ADCY2: variants seen among roughly 807,000 people sequenced by gnomAD.
ADCY2 encodes adenylate cyclase type 2.
Under a neutral mutation model 125.2 loss-of-function variants are expected in ADCY2, and 31 were observed. That is an observed-to-expected ratio of 0.25 (90% CI 0.19 to 0.33). The LOEUF is 0.33. Among genes scored for constraint, ADCY2 ranks in the 10% least tolerant of loss-of-function variants. ADCY2 has a pLI of 1.00. For missense variants in ADCY2, 904 were observed against 1,418.2 expected, an observed-to-expected ratio of 0.64 and a Z score of 5.82; for synonymous variants, 512 against 548.4, an observed-to-expected ratio of 0.93 and a Z score of 0.93.
At chr5:7,458,408 T>C (rs1336295245) in intron 2 of ADCY2, among the ~76,000 whole-genome samples, 2 of 152,212 alleles carry the variant, frequency 1.3e-5, no homozygotes, top group Non-Finnish European at 2.9e-5. Flanking sequence ...GTTATTTATA[T>C]AAAGCAGTTA....
At chr5:7,467,078 G>T (rs1439649726) in intron 2 of ADCY2, among the ~76,000 whole-genome samples, 1 of 152,132 alleles carries the variant, frequency 6.6e-6, no homozygotes, top group East Asian at 1.9e-4. Context: ...ATTGTAAGTG[G>T]ACAAGCACCT....
chr5:7,714,518 C>T (rs1741538089), intron 11 of ADCY2, among the ~76,000 whole-genome samples: 1 of 152,186 alleles, frequency 6.6e-6, no homozygotes, highest in Non-Finnish European at 1.5e-5. Context: ...AATCTGTTGC[C>T]ATTATCATTT....
rs539110618 is a variant in ADCY2, at chr5:7,451,769, A to T, written c.408+36999A>T. On this transcript the variant is annotated intron_variant, in intron 2 of 24. Coordinates refer to ENST00000338316, the MANE Select transcript of ADCY2 (RefSeq NM_020546.3). Reference sequence around the variant, plus strand: ...TTTTATTATGTCTTTATCCTTTTAAATTTTTTTTTATTTCAATAGCTTTAG... The same window carrying T: ...TTTTATTATGTCTTTATCCTTTTAATTTTTTTTTTATTTCAATAGCTTTAG... Among the ~76,000 whole-genome samples the T allele has an allele frequency of 5.5e-4, 83 of 151,778 alleles. 2 individuals are homozygous for T. The highest frequency in any genetic ancestry group is 1.9e-3 in the African/African-American group (80 of 41,420).
At chr5:7,510,187 G>T (rs1424829451) in intron 2 of ADCY2, among the ~76,000 whole-genome samples, 1 of 152,176 alleles carries the variant, frequency 6.6e-6, no homozygotes, top group African/African-American at 2.4e-5. Flanking sequence ...AAATCAACTT[G>T]GTTTGGAGGT....
Position 7,396,673 on chromosome 5 carries a change from C to T in ADCY2, c.210+167C>T, listed in dbSNP as rs1739058276. Among the ~76,000 whole-genome samples, 1 of 148,736 alleles carries T rather than the reference C, an allele frequency of 6.7e-6. No homozygotes were observed. Among genetic ancestry groups the T allele is most frequent in the African/African-American group, 2.5e-5 (1 of 39,358 alleles). ...CCCTGCTTCTCCTGCTGGCCCGCGG[C>T]CCGGTGGACTCTGGCAAGGGCTGCG... On this transcript the variant is annotated intron_variant, in intron 1 of 24. Coordinates refer to ENST00000338316, the MANE Select transcript of ADCY2 (RefSeq NM_020546.3). The surrounding 1 kb of genome is among the most constrained non-coding windows in gnomAD (Gnocchi z 5.7).
chr5:7,526,758 T>G (rs960735951), intron 3 of ADCY2, among the ~76,000 whole-genome samples: 3 of 152,246 alleles, frequency 2.0e-5, no homozygotes, highest in Non-Finnish European at 4.4e-5. Context: ...AATAATTGTT[T>G]TTTCTTTGTT....
chr5:7,810,653 T>C (rs1744911184), intron 22 of ADCY2, among the ~76,000 whole-genome samples: 1 of 152,080 alleles, frequency 6.6e-6, no homozygotes, highest in South Asian at 2.1e-4. Flanking sequence ...ACCTGAGTTA[T>C]CTACCTGGTA....
chr5:7,704,856 T>G (rs191729770), intron 7 of ADCY2, among the ~76,000 whole-genome samples: 1 of 148,374 alleles, frequency 6.7e-6, no homozygotes. Context: ...CCAACCTGGG[T>G]GACAGAGTGA....
chr5:7,754,733 A>AC (rs1364663415), intron 15 of ADCY2, among the ~76,000 whole-genome samples: 10 of 150,892 alleles, frequency 6.6e-5, no homozygotes, highest in South Asian at 2.1e-4. Flanking sequence ...AAACAAACAA[A>AC]AAAAACTCAG....
chr5:7,698,370 A>G lies in ADCY2; in HGVS notation c.1105A>G (p.Ile369Val), dbSNP rs1249698913. Residue 369 changes from isoleucine to valine, a missense_variant, in exon 7 of 25, where the codon ATA becomes GTA. Physicochemically the swap from Ile to Val is conservative, Grantham distance 29 (BLOSUM62 3). Around this residue, in one of 7 missense-constraint regions of ADCY2, gnomAD observed 117 missense variants for 248.0 expected, o/e 0.47. Coordinates refer to ENST00000338316, the MANE Select transcript of ADCY2 (RefSeq NM_020546.3). ...AATGGGGCTGGACATGTGTGAAGCC[A>G]TAAAGTAAGTGGACTGCTTAGTAAG... ...VKMGLDMCEAIKKVRDATGVD... is the reference protein window; with the variant it reads ...VKMGLDMCEAVKKVRDATGVD... 2 of 1,614,166 alleles carry G rather than the reference A, an allele frequency of 1.2e-6. No individual in the cohort carries two copies. Among genetic ancestry groups the G allele is most frequent in the Non-Finnish European group, 1.7e-6 (2 of 1,180,002 alleles).
At chr5:7,685,656 C>T (rs1179675639) in intron 4 of ADCY2, among the ~76,000 whole-genome samples, 3 of 152,158 alleles carry the variant, frequency 2.0e-5, no homozygotes, top group Non-Finnish European at 4.4e-5. Context: ...GAAACAGCAA[C>T]AGTAGCAGTT....
At chr5:7,486,697 A>G (rs1463475592) in intron 2 of ADCY2, among the ~76,000 whole-genome samples, 1 of 151,890 alleles carries the variant, frequency 6.6e-6, no homozygotes, top group Non-Finnish European at 1.5e-5. Flanking sequence ...AAATTCTGAC[A>G]TTTTACAAAG....
chr5:7,504,720 G>T (rs563797487), intron 2 of ADCY2, among the ~76,000 whole-genome samples: 2 of 151,002 alleles, frequency 1.3e-5, no homozygotes, highest in African/African-American at 4.9e-5. Flanking sequence ...TGTTTCCTAG[G>T]CTGGGCTTGA....
rs1241550646 is a variant in ADCY2 at position 7,589,512 on chromosome 5, AAAGAAAAGAAAG to A, written c.571-36653_571-36642del. Among the ~76,000 whole-genome samples the A allele has an allele frequency of 9.7e-4, 69 of 71,124 alleles. 1 individual carries two copies. Among genetic ancestry groups the A allele is most frequent in the South Asian group, 1.9e-3 (4 of 2,080 alleles). 46.7% of individuals were successfully genotyped at this position (71,124 alleles called of 152,430 possible). A position where few individuals can be genotyped will look rare whatever the true frequency, so the allele number is the denominator to read the frequency against. ...AAAGAAAGAAAGAAAGAAAGAAAGA[AAAGAAAAGAAAG>A]AGAAAGAAAGAAAGGAGGGAGGGAA... is the stretch of plus-strand genomic sequence containing the variant. On this transcript the variant is annotated intron_variant, in intron 3 of 24. Transcript: ENST00000338316.
chr5:7,602,790 C>T (rs940578211), intron 3 of ADCY2, among the ~76,000 whole-genome samples: 13 of 152,172 alleles, frequency 8.5e-5, no homozygotes, highest in African/African-American at 3.1e-4. Context: ...GCGTATCCTA[C>T]AGCATAGGCA....
chr5:7,412,111 G>A (rs1276042072), intron 1 of ADCY2, among the ~76,000 whole-genome samples: 1 of 152,072 alleles, frequency 6.6e-6, no homozygotes, highest in East Asian at 1.9e-4. Context: ...AGCTCTTACA[G>A]GTCATTCCGT....
intron 4 of ADCY2, among the ~76,000 whole-genome samples, chr5:7,660,249 AAGGAAG>A (rs1739478395): frequency 2.3e-5 from 2 of 87,944 alleles, no homozygotes; most frequent in African/African-American, 6.2e-5. Flanking sequence ...AGAAGGAAGG[AAGGAAG>A]GAAGGAAGGA....
intron 4 of ADCY2, among the ~76,000 whole-genome samples, chr5:7,663,978 G>A (rs975950300): frequency 2.0e-5 from 3 of 152,332 alleles, no homozygotes; most frequent in Non-Finnish European, 4.4e-5. Context: ...GTGACTCTTT[G>A]GAGAGGCCAT....
chr5:7,396,259 G>T lies in ADCY2; in HGVS notation c.-38G>T. 2 of 1,045,682 alleles carry T rather than the reference G, an allele frequency of 1.9e-6. No individual in the cohort carries two copies. The highest frequency in any genetic ancestry group is 8.3e-5 in the South Asian group (2 of 24,156). The allele number at this position is 1,045,682 out of a possible 1,614,324, so 64.8% of individuals were successfully genotyped here. On this transcript the variant is annotated 5_prime_UTR_variant, in exon 1 of 25. Transcript: ENST00000338316. This position sits in a 1 kb window ranked among gnomAD's most constrained non-coding sequence, Gnocchi z 5.7. ...GGCCGCGGCGAGCGGCGCTGCCCGG[G>T]CCGGGCGCGCACGGCGGGCGCCCTG... is the stretch of plus-strand genomic sequence containing the variant.
Sources: gnomAD v4.1 joint callset for allele counts (sites outside exome capture counted in the v4.1 genomes callset) on GRCh38, gnomAD v4.1.1 for gene constraint, gnomAD v4.1.1 regional missense constraint, Gnocchi (gnomAD v3.1) non-coding constraint, MANE v1.5 for transcripts, NCBI Gene and HGNC (gene_info 2026-07-23, HGNC 2026-07-21) for gene names.